C8orf34: variants seen among roughly 807,000 people sequenced by gnomAD.
C8orf34 encodes the protein chromosome 8 open reading frame 34.
Under a neutral mutation model 68.3 loss-of-function variants are expected in C8orf34, and 65 were observed. The ratio of observed to expected loss-of-function variants is 0.95; its 90% CI spans 0.78 to 1.17. The LOEUF is 1.17. C8orf34 is among the 50% of genes most tolerant of loss of function. C8orf34 has a pLI of 0.00. For missense variants in C8orf34, 664 were observed against 655.4 expected, an observed-to-expected ratio of 1.01 and a Z score of -0.14; for synonymous variants, 244 against 241.2, an observed-to-expected ratio of 1.01 and a Z score of -0.11.
At chr8:68,681,731 G>A (rs1051496668) in intron 8 of C8orf34, among the ~76,000 whole-genome samples, 1 of 152,140 alleles carries the variant, frequency 6.6e-6, no homozygotes, top group East Asian at 1.9e-4. Context: ...GTTTATTGCA[G>A]CACTGTTTAC....
intron 8 of C8orf34, among the ~76,000 whole-genome samples, chr8:68,685,171 A>G (rs1266909702): frequency 6.6e-6 from 1 of 152,120 alleles, no homozygotes; most frequent in African/African-American, 2.4e-5. Flanking sequence ...TTGTTATTTC[A>G]AACTTTCCTC....
intron 5 of C8orf34, among the ~76,000 whole-genome samples, chr8:68,496,723 G>C (rs138792466): frequency 3.3e-5 from 5 of 152,240 alleles, no homozygotes; most frequent in African/African-American, 9.6e-5. Flanking sequence ...TTTCTCCCCA[G>C]GCAGACAAAT....
At chr8:68,716,082 A>G (rs1298668946) in intron 9 of C8orf34, among the ~76,000 whole-genome samples, 1 of 152,074 alleles carries the variant, frequency 6.6e-6, no homozygotes, top group Non-Finnish European at 1.5e-5. Flanking sequence ...ACCAAATATC[A>G]TATGTTCTCA....
intron 3 of C8orf34, among the ~76,000 whole-genome samples, chr8:68,457,124 A>G (rs1340296154): frequency 2.0e-5 from 3 of 151,756 alleles, no homozygotes. Context: ...ATGCTCCTGC[A>G]TTTAAGGGAG....
chr8:68,411,696 A>G (rs532401454), intron 1 of C8orf34, among the ~76,000 whole-genome samples: 1 of 152,348 alleles, frequency 6.6e-6, no homozygotes, highest in Non-Finnish European at 1.5e-5. Context: ...TTGTCTGTGA[A>G]TTAGAACTGT....
chr8:68,664,306 T>C (rs1186675199), intron 8 of C8orf34, among the ~76,000 whole-genome samples: 2 of 152,176 alleles, frequency 1.3e-5, no homozygotes, highest in African/African-American at 4.8e-5. Flanking sequence ...GTAGTTAGCT[T>C]GGCCTATATG....
At position 68,402,245 on chromosome 8, in the gene C8orf34, T is replaced by C. The variant is rs536296397; in HGVS notation, c.328-37254T>C. On this transcript the variant is annotated intron_variant, in intron 1 of 13. Coordinates refer to ENST00000518698, the MANE Select transcript of C8orf34 (RefSeq NM_052958.4). ...ATCTTTTGTATTTGCAGGGTATCAG[T>C]TGTAATGTCTCATTTTTCATTTCTG... Among the ~76,000 whole-genome samples, 21 of 152,262 alleles carry C rather than the reference T, an allele frequency of 1.4e-4. No individual in the cohort carries two copies. The East Asian group carries it at 4.0e-3, about 29-fold the overall frequency.
At chr8:68,578,848 A>G (rs1220060505) in intron 7 of C8orf34, among the ~76,000 whole-genome samples, 1 of 152,102 alleles carries the variant, frequency 6.6e-6, no homozygotes, top group Non-Finnish European at 1.5e-5. Context: ...TTTGCTGAAA[A>G]GGAAACAATA....
intron 7 of C8orf34, among the ~76,000 whole-genome samples, chr8:68,604,537 A>C: frequency 6.6e-6 from 1 of 152,268 alleles, no homozygotes; most frequent in Non-Finnish European, 1.5e-5. Context: ...CATGTGCTTA[A>C]AAATATGGAA....
At chr8:68,378,793 A>G (rs1421988699) in intron 1 of C8orf34, among the ~76,000 whole-genome samples, 1 of 152,192 alleles carries the variant, frequency 6.6e-6, no homozygotes, top group African/African-American at 2.4e-5. Context: ...GCATCTTGAA[A>G]CAATACATAT....
chr8:68,586,951 G>C (rs1007770529), intron 7 of C8orf34, among the ~76,000 whole-genome samples: 2 of 152,054 alleles, frequency 1.3e-5, no homozygotes, highest in Non-Finnish European at 1.5e-5. Flanking sequence ...TCCATGCTAT[G>C]ACTAATTGCA....
intron 1 of C8orf34, among the ~76,000 whole-genome samples, chr8:68,427,729 A>G (rs1810289252): frequency 6.6e-6 from 1 of 152,052 alleles, no homozygotes; most frequent in Admixed American, 6.6e-5. Context: ...TACAGATTGT[A>G]CCAATGTCAG....
intron 1 of C8orf34, among the ~76,000 whole-genome samples, chr8:68,408,200 C>CAA (rs1809284049): frequency 6.6e-6 from 1 of 151,588 alleles, no homozygotes; most frequent in East Asian, 1.9e-4. Flanking sequence ...GTTACATGCT[C>CAA]CTTATGAGAA....
At chr8:68,452,066 T>C (rs1811368259) in intron 3 of C8orf34, among the ~76,000 whole-genome samples, 1 of 152,036 alleles carries the variant, frequency 6.6e-6, no homozygotes, top group African/African-American at 2.4e-5. Context: ...TTTTCGTGGC[T>C]GAATAATATT....
At chr8:68,511,441 C>T (rs911636688) in intron 5 of C8orf34, among the ~76,000 whole-genome samples, 9 of 151,900 alleles carry the variant, frequency 5.9e-5, no homozygotes, top group Admixed American at 2.6e-4. Flanking sequence ...AGTAGTTTGG[C>T]GGGAAGGACA....
intron 8 of C8orf34, among the ~76,000 whole-genome samples, chr8:68,696,148 A>T (rs1439592405): frequency 2.6e-5 from 4 of 151,448 alleles, no homozygotes; most frequent in African/African-American, 9.7e-5. Context: ...CCTGTGTGAC[A>T]GTGAGATCCT....
At chr8:68,801,895 T>TA (rs76145523) in intron 12 of C8orf34, among the ~76,000 whole-genome samples, 35,248 of 145,418 alleles carry the variant, frequency 0.24, 4,439 homozygotes, top group East Asian at 0.47. Context: ...ATGCAGTAAT[T>TA]AAAAAAAAAA....
At chr8:68,469,789 T>C (rs1436215837) in intron 4 of C8orf34, among the ~76,000 whole-genome samples, 1 of 151,762 alleles carries the variant, frequency 6.6e-6, no homozygotes, top group Non-Finnish European at 1.5e-5. Context: ...AGGATCTCTA[T>C]TTTTATTTTA....
At chr8:68,490,213 C>G (rs1336894059) in intron 5 of C8orf34, among the ~76,000 whole-genome samples, 3 of 152,154 alleles carry the variant, frequency 2.0e-5, no homozygotes, top group Non-Finnish European at 4.4e-5. Context: ...ATAACCATCA[C>G]CATTTCTAGG....
Sources: allele counts gnomAD v4.1 joint callset (sites outside exome capture counted in the v4.1 genomes callset), GRCh38; gene constraint gnomAD v4.1.1; transcripts MANE v1.5; gene names NCBI Gene and HGNC (gene_info 2026-07-23, HGNC 2026-07-21).